MFN2: variants seen among roughly 807,000 people sequenced by gnomAD.
MFN2 encodes the protein mitofusin-2.
Under a neutral mutation model 87.5 loss-of-function variants are expected in MFN2, and 43 were observed. The observed-to-expected ratio is 0.49, with a 90% CI of 0.38 to 0.63. The LOEUF (loss-of-function observed/expected upper bound fraction) is 0.63. MFN2 is among the 30% of genes least tolerant of loss of function. The pLI is 0.00. For missense variants in MFN2, 743 were observed against 972.8 expected (o/e 0.76, Z 3.14); for synonymous variants, 337 against 359.9 (o/e 0.94, Z 0.72).
At chr1:11,997,652 G>C (rs550052615) in intron 6 of MFN2, among the ~76,000 whole-genome samples, 5 of 152,256 alleles carry the variant, frequency 3.3e-5, no homozygotes, top group African/African-American at 1.2e-4. Context: ...GTAAAAGATA[G>C]GAGGGATGCT....
At position 12,011,565 on chromosome 1, in the gene MFN2, G is replaced by T. The variant is rs779118705; in HGVS notation, c.2274G>T (p.Ter758TyrextTer39). Residue 758 changes from the stop codon to tyrosine (Y), a stop_lost, in exon 19 of 19, where the codon TAG becomes TAT. Transcript: ENST00000235329. ...ACCAGTACCTGCAGCCCAGCAGATA[G>T]TGGGCACCTGAGGCGGAGTCTGCGT... ...FTHQYLQPSR[*>Y] The T allele has an allele frequency of 6.2e-7, 1 of 1,613,806 alleles. No individual in the cohort carries two copies. The highest frequency in any genetic ancestry group is 8.5e-7 in the Non-Finnish European group (1 of 1,179,980).
intron 3 of MFN2, among the ~76,000 whole-genome samples, chr1:11,990,656 A>G (rs1638637065): frequency 6.6e-6 from 1 of 151,988 alleles, no homozygotes; most frequent in Admixed American, 6.6e-5. Flanking sequence ...AGTGATCCTG[A>G]GCTGTGCTGG....
In MFN2 at chr1:11,996,213, C is replaced by T. The variant is rs1393819397; in HGVS notation, c.369C>T (p.Pro123=). The change falls in exon 5 of 19, where the codon CCC becomes CCT. Residue 123 remains proline, a synonymous_variant. Transcript: ENST00000235329. The stretch of plus-strand genomic sequence containing the variant: ...CCATGCTCTGGGACAAAGTTCTGCC[C>T]TCTGGGATTGGCCACACCACCAATT... ...INAMLWDKVL[P]SGIGHTTNCF... is the part of the protein sequence containing the mutation. 1 of 1,614,190 alleles carries T rather than the reference C, an allele frequency of 6.2e-7. No homozygotes were observed. The highest frequency in any genetic ancestry group is 1.3e-5 in the African/African-American group (1 of 75,052).
At chr1:12,009,214 G>GGGGAGA (rs1242352535) in intron 17 of MFN2, among the ~76,000 whole-genome samples, 71 of 151,814 alleles carry the variant, frequency 4.7e-4, no homozygotes, top group African/African-American at 1.6e-3. Context: ...GGGAGACCGT[G>GGGGAGA]GGGAGAGGGA....
intron 1 of MFN2, 200 bp from the exon 2 acceptor site, chr1:11,981,770 A>C (rs1645988983): frequency 6.6e-6 from 1 of 152,298 alleles, no homozygotes; most frequent in African/African-American, 2.4e-5. Flanking sequence ...ACGTGTGCAC[A>C]GTCAGGATTG....
At position 12,004,785 on chromosome 1, in the gene MFN2, G is replaced by T; in HGVS notation, c.1393-40G>T. On this transcript the variant is annotated intron_variant, in intron 13 of 18. Coordinates refer to ENST00000235329, the MANE Select transcript of MFN2 (RefSeq NM_014874.4). This position sits in a 1 kb window ranked among gnomAD's most constrained non-coding sequence, Gnocchi z 4.2. Reference sequence around the variant, plus strand: ...GTGGATGTGGCCTGAAGGGAATTTTGATGGACATGCTTCTCTTAACTTCCC... The same window carrying T: ...GTGGATGTGGCCTGAAGGGAATTTTTATGGACATGCTTCTCTTAACTTCCC... 1 of 1,596,012 alleles carries T rather than the reference G, an allele frequency of 6.3e-7. No homozygotes were observed. The highest frequency in any genetic ancestry group is 1.1e-5 in the South Asian group (1 of 90,278).
At chr1:12,000,962 G>T (rs569335278) in intron 8 of MFN2, among the ~76,000 whole-genome samples, 1 of 152,310 alleles carries the variant, frequency 6.6e-6, no homozygotes, top group South Asian at 2.1e-4. Context: ...GCAGAATAGT[G>T]GGGGACATTA....
At chr1:12,008,443 G>C (rs1209350841) in intron 17 of MFN2, among the ~76,000 whole-genome samples, 1 of 142,852 alleles carries the variant, frequency 7.0e-6, no homozygotes, top group African/African-American at 3.0e-5. Flanking sequence ...CCTCCCTCCC[G>C]GACGGGGCGG....
At chr1:12,011,031 C>G (rs568919284) in intron 18 of MFN2, among the ~76,000 whole-genome samples, 1 of 152,188 alleles carries the variant, frequency 6.6e-6, no homozygotes, top group African/African-American at 2.4e-5. Context: ...ATGTGCCCCC[C>G]CCGCACCCCC....
rs547577445 is a variant in MFN2, at chr1:12,004,032, C to T, written c.1201C>T (p.Leu401=). 5 of 1,614,082 alleles carry T rather than the reference C, an allele frequency of 3.1e-6. No homozygotes were observed. Among genetic ancestry groups the T allele is most frequent in the African/African-American group, 1.3e-5 (1 of 74,934 alleles). ...EEMREERQDR[L]KFIDKQLELL... ...AATGCGTGAAGAGCGGCAAGACCGACTGAAATTTATTGACAAACAGCTGGA... is the reference window on the plus strand; with the variant it reads ...AATGCGTGAAGAGCGGCAAGACCGATTGAAATTTATTGACAAACAGCTGGA... The change falls in exon 12 of 19, where the codon CTG becomes TTG. Residue 401 remains leucine, a synonymous_variant. Coordinates refer to ENST00000235329, the MANE Select transcript of MFN2 (RefSeq NM_014874.4). This position sits in a 1 kb window ranked among gnomAD's most constrained non-coding sequence, Gnocchi z 4.2.
chr1:12,005,614 C>A, intron 14 of MFN2, 97 bp from the exon 15 acceptor site: 1 of 1,272,538 alleles, frequency 7.9e-7, no homozygotes, highest in Non-Finnish European at 1.1e-6. Flanking sequence ...GTTCAGCATC[C>A]CTGGCAGTAG....
intron 4 of MFN2, among the ~76,000 whole-genome samples, chr1:11,994,264 A>G (rs187026393): frequency 2.2e-4 from 33 of 152,334 alleles, no homozygotes; most frequent in Middle Eastern, 3.4e-3. Context: ...TGAAGCCACA[A>G]TGTACCTAAA....
chr1:11,991,802 T>C (rs1004060011), intron 3 of MFN2, among the ~76,000 whole-genome samples: 2 of 149,044 alleles, frequency 1.3e-5, no homozygotes, highest in African/African-American at 2.5e-5. Flanking sequence ...CGGGCGCCTG[T>C]AGTCCCAGCT....
In MFN2 at chr1:12,007,269, C is replaced by A. The variant is rs1047999570; in HGVS notation, c.2069+20C>A. On this transcript the variant is annotated intron_variant, in intron 17 of 18. Coordinates refer to ENST00000235329, the MANE Select transcript of MFN2 (RefSeq NM_014874.4). ...CCAGCAGTGAGTGGCCCTGTCGGAC[C>A]CCAGCAGGGGACTTCCTTTAGGCAG... The A allele has an allele frequency of 1.9e-6, 3 of 1,611,808 alleles. No individual in the cohort carries two copies. The highest frequency in any genetic ancestry group is 2.5e-6 in the Non-Finnish European group (3 of 1,179,074).
chr1:11,998,114 C>T (rs1247257671), intron 6 of MFN2, among the ~76,000 whole-genome samples: 1 of 151,266 alleles, frequency 6.6e-6, no homozygotes, highest in African/African-American at 2.4e-5. Context: ...GAACTGCTGA[C>T]CTCATGATCC....
chr1:12,008,398 G>T (rs1376760759), intron 17 of MFN2, among the ~76,000 whole-genome samples: 2 of 142,026 alleles, frequency 1.4e-5, no homozygotes, highest in African/African-American at 5.3e-5. Context: ...CCTCCCGGAC[G>T]GGGTGGCTGG....
At chr1:12,007,402 G>A (rs1639473157) in intron 17 of MFN2, among the ~76,000 whole-genome samples, 153 bp downstream of exon 17, 1 of 152,242 alleles carries the variant, frequency 6.6e-6, no homozygotes, top group African/African-American at 2.4e-5. Context: ...CCAGCTTTGA[G>A]GCCAGTCATG....
In MFN2 at chr1:11,980,466, C is replaced by T. The variant is rs1229864103; in HGVS notation, c.-168C>T. On this transcript the variant is annotated 5_prime_UTR_variant, in exon 1 of 19. Coordinates refer to ENST00000235329, the MANE Select transcript of MFN2 (RefSeq NM_014874.4). The stretch of plus-strand genomic sequence containing the variant: ...GACGTAGTGAGTGTGATGGCCGCCG[C>T]GAGGCCGGGAAGGTGAAGGTGAGAG... 5.0e-6 allele frequency: 2 copies of T among 398,214 alleles called. No homozygotes were observed. The highest frequency in any genetic ancestry group is 8.9e-6 in the Non-Finnish European group (2 of 225,854). The allele number at this position is 398,214 out of a possible 1,614,324, so 24.7% of individuals were successfully genotyped here.
In MFN2 at chr1:12,011,744, T is replaced by C; in HGVS notation, c.*179T>C. ...CTACTTATTTTCCCCCACCTTTGCC[T>C]GCTGTTGCTGGAAGAGCTGGCTCAT... On this transcript the variant is annotated 3_prime_UTR_variant, in exon 19 of 19. Transcript: ENST00000235329. 1.5e-6 allele frequency: 1 copy of C among 660,862 alleles called. No individual in the cohort carries two copies. Among genetic ancestry groups the C allele is most frequent in the Non-Finnish European group, 2.7e-6 (1 of 377,354 alleles). The allele number at this position is 660,862 out of a possible 1,614,324, so 40.9% of individuals were successfully genotyped here. A position where few individuals can be genotyped will look rare whatever the true frequency, so the allele number is the denominator to read the frequency against.
Sources: gnomAD v4.1 joint callset for allele counts (sites outside exome capture counted in the v4.1 genomes callset) on GRCh38, gnomAD v4.1.1 for gene constraint, Gnocchi (gnomAD v3.1) non-coding constraint, MANE v1.5 for transcripts, NCBI Gene and HGNC (gene_info 2026-07-23, HGNC 2026-07-21) for gene names.